The following KIAA1549L variants were observed in gnomAD, a reference collection of about 807,000 sequenced individuals.
KIAA1549L encodes the protein UPF0606 protein KIAA1549L.
KIAA1549L carries 88 observed loss-of-function variants against 160.7 expected under a neutral mutation model. The ratio of observed to expected loss-of-function variants is 0.55; its 90% CI spans 0.46 to 0.65. KIAA1549L has a LOEUF of 0.65. Ranked by LOEUF, KIAA1549L falls within the 30% of genes least tolerant of loss-of-function variation. The pLI is 0.00. For missense variants in KIAA1549L, 2,258 were observed against 2,437.5 expected (o/e 0.93, Z 1.55); for synonymous variants, 950 against 976.7 (o/e 0.97, Z 0.51).
chr11:33,501,560 T>G (rs1852948985), intron 1 of KIAA1549L, among the ~76,000 whole-genome samples: 1 of 152,174 alleles, frequency 6.6e-6, no homozygotes, highest in Admixed American at 6.5e-5. Context: ...GGGGATAATA[T>G]TTTTGTGGGA....
At chr11:33,422,038 A>G (rs1471863182) in intron 1 of KIAA1549L, among the ~76,000 whole-genome samples, 1 of 152,132 alleles carries the variant, frequency 6.6e-6, no homozygotes, top group Admixed American at 6.5e-5. Flanking sequence ...TGGCAATTGC[A>G]TGACACTTGT....
chr11:33,470,402 G>T (rs1852153826), intron 1 of KIAA1549L, among the ~76,000 whole-genome samples: 1 of 151,926 alleles, frequency 6.6e-6, no homozygotes, highest in Non-Finnish European at 1.5e-5. Context: ...CTGCCACACT[G>T]TAGTATAGTG....
Position 33,547,872 on chromosome 11 carries a change from C to T in KIAA1549L, c.3494C>T (p.Ser1165Leu), listed in dbSNP as rs772407055. ...LRKAFHQNDV[S>L]AHVDILEYSH... ...AAGGCTTTCCACCAGAACGATGTCT[C>T]AGCTCACGTAAGTGCTTTGCTTTGT... Residue 1165 changes from serine to leucine, a missense_variant, in exon 4 of 21, where the codon TCA (serine) becomes TTA (leucine). By Grantham distance (145) the Ser-to-Leu change is moderately radical. This residue lies in a region of KIAA1549L where 1,359 missense variants were observed against 1,546.6 expected (regional missense o/e 0.88). Coordinates refer to ENST00000658780, the MANE Select transcript of KIAA1549L (RefSeq NM_012194.3). 6.2e-7 allele frequency: 1 copy of T among 1,607,970 alleles called. No homozygotes were observed. The highest frequency in any genetic ancestry group is 8.5e-7 in the Non-Finnish European group (1 of 1,174,942).
chr11:33,390,060 T>G (rs2134045984), intron 1 of KIAA1549L, among the ~76,000 whole-genome samples: 1 of 152,366 alleles, frequency 6.6e-6, no homozygotes, highest in Admixed American at 6.5e-5. Flanking sequence ...GCATTTACTG[T>G]TTGTATCAGT....
At chr11:33,599,007 A>T in intron 13 of KIAA1549L, 60 bp downstream of exon 13, 2 of 1,574,922 alleles carry the variant, frequency 1.3e-6, no homozygotes, top group South Asian at 2.2e-5. Flanking sequence ...CCGCACACAC[A>T]TGCGTGCACA....
intron 13 of KIAA1549L, among the ~76,000 whole-genome samples, chr11:33,604,135 G>A (rs1473963647): frequency 6.6e-6 from 1 of 152,194 alleles, no homozygotes; most frequent in East Asian, 1.9e-4. Flanking sequence ...AATTACCCCA[G>A]CACCTAGCAA....
chr11:33,530,434 AAAATATATATATATATATATATAT>A (rs1444967490), intron 1 of KIAA1549L, among the ~76,000 whole-genome samples: 11 of 6,864 alleles, frequency 1.6e-3, no homozygotes, highest in African/African-American at 4.4e-3. Context: ...AAAAAAAAAA[AAAATATATATATATATATATATAT>A]ATATATATAT....
At chr11:33,508,340 C>T (rs1853142284) in intron 1 of KIAA1549L, among the ~76,000 whole-genome samples, 1 of 152,150 alleles carries the variant, frequency 6.6e-6, no homozygotes, top group African/African-American at 2.4e-5. Context: ...AGATAAGGGA[C>T]CTCAGGCACT....
At chr11:33,645,646 G>A in intron 16 of KIAA1549L, 40 bp from the exon 17 acceptor site, 8 of 1,461,658 alleles carry the variant, frequency 5.5e-6, no homozygotes, top group African/African-American at 1.4e-5. Context: ...TTCACGGGAA[G>A]GAAAGTAAAC....
In KIAA1549L at chr11:33,397,710, TCACACACACACACACACACACACA is replaced by T. The variant is rs71034679; in HGVS notation, c.238+20844_238+20867del. Among the ~76,000 whole-genome samples the T allele has an allele frequency of 1.0e-4, 15 of 142,944 alleles. No homozygotes were observed. In the South Asian group the frequency reaches 1.4e-3, roughly 13 times the overall value. The allele number at this position is 142,944 out of a possible 152,430, so 93.8% of individuals were successfully genotyped here. ...CTGGGCGACAGAGCGAGACTCCATC[TCACACACACACACACACACACACA>T]CACACACACACACACACACACAAAA... On this transcript the variant is annotated intron_variant, in intron 1 of 20. Coordinates refer to ENST00000658780, the MANE Select transcript of KIAA1549L (RefSeq NM_012194.3).
chr11:33,450,031 GGT>G (rs1182876623), intron 1 of KIAA1549L, among the ~76,000 whole-genome samples: 1 of 152,102 alleles, frequency 6.6e-6, no homozygotes, highest in Admixed American at 6.5e-5. Flanking sequence ...GTGGCTTTTT[GGT>G]GACTTGGCTT....
chr11:33,630,325 G>A (rs1342569495), intron 16 of KIAA1549L, among the ~76,000 whole-genome samples: 4 of 152,384 alleles, frequency 2.6e-5, no homozygotes, highest in Admixed American at 2.6e-4. Flanking sequence ...GAGCTTCCCG[G>A]CTGCTTTGTT....
intron 1 of KIAA1549L, among the ~76,000 whole-genome samples, chr11:33,415,680 A>C (rs971144605): frequency 6.6e-6 from 1 of 152,188 alleles, no homozygotes; most frequent in Non-Finnish European, 1.5e-5. Flanking sequence ...AGTAAGCTAC[A>C]TGGCAAGTCA....
intron 6 of KIAA1549L, among the ~76,000 whole-genome samples, chr11:33,553,608 G>A (rs143472157): frequency 2.0e-3 from 310 of 152,272 alleles, no homozygotes; most frequent in African/African-American, 6.8e-3. Context: ...CATGTTAGAC[G>A]AAGATCTAAA....
At chr11:33,662,847 A>G (rs2133451250) in intron 20 of KIAA1549L, among the ~76,000 whole-genome samples, 1 of 152,326 alleles carries the variant, frequency 6.6e-6, no homozygotes, top group African/African-American at 2.4e-5. Context: ...AAAGGAACCA[A>G]GCAAATGGAA....
At chr11:33,629,497 T>C (rs1017758378) in intron 16 of KIAA1549L, among the ~76,000 whole-genome samples, 14 of 151,986 alleles carry the variant, frequency 9.2e-5, no homozygotes, top group African/African-American at 2.9e-4. Flanking sequence ...CTTTTTATTC[T>C]TTTTTCTCTA....
At chr11:33,567,621 G>T (rs1481785086) in intron 8 of KIAA1549L, among the ~76,000 whole-genome samples, 2 of 152,190 alleles carry the variant, frequency 1.3e-5, no homozygotes, top group Non-Finnish European at 2.9e-5. Flanking sequence ...AATAGGAATA[G>T]CCCTGAGCCA....
chr11:33,389,422 G>A lies in KIAA1549L; in HGVS notation c.238+12533G>A, dbSNP rs149097882. ...TCTAGATTTGTATCCTTCATTGTCC[G>A]TTAAGAAGTCTTTGTTTTGAAAAGA... is the stretch of plus-strand genomic sequence containing the variant. On this transcript the variant is annotated intron_variant, in intron 1 of 20. Coordinates refer to ENST00000658780, the MANE Select transcript of KIAA1549L (RefSeq NM_012194.3). Among the ~76,000 whole-genome samples the A allele has an allele frequency of 2.1e-3, 318 of 152,324 alleles. 1 individual carries two copies. The highest frequency in any genetic ancestry group is 3.2e-3 in the Non-Finnish European group (221 of 68,020).
intron 19 of KIAA1549L, 77 bp from the exon 20 acceptor site, chr11:33,660,786 C>A: frequency 6.9e-7 from 1 of 1,457,224 alleles, no homozygotes; most frequent in Non-Finnish European, 9.4e-7. Flanking sequence ...ATGAAACTGA[C>A]TTTATTTGGC....
Sources: gnomAD v4.1 joint callset for allele counts (sites outside exome capture counted in the v4.1 genomes callset) on GRCh38, gnomAD v4.1.1 for gene constraint, gnomAD v4.1.1 regional missense constraint, MANE v1.5 for transcripts, NCBI Gene and HGNC (gene_info 2026-07-23, HGNC 2026-07-21) for gene names.